The following PUDP variants were observed in gnomAD, a reference collection of about 807,000 sequenced individuals.
PUDP encodes pseudouridine-5'-phosphatase.
A neutral mutation model predicts 9.4 loss-of-function variants in PUDP; 8 were observed. The observed-to-expected ratio is 0.85, with a 90% CI of 0.50 to 1.53. PUDP has a LOEUF of 1.53. Ranked by LOEUF, PUDP falls within the 40% of genes most tolerant of loss-of-function variation. The pLI, the probability that PUDP is intolerant of heterozygous loss-of-function variation, is 0.00. For synonymous variants in PUDP, 99 were observed against 80.7 expected (o/e 1.23, Z -1.22); for missense variants, 188 against 189.7 (o/e 0.99, Z 0.05).
intron 3 of PUDP, among the ~76,000 whole-genome samples, chrX:6,806,056 C>T (rs1431385774): frequency 9.0e-6 from 1 of 110,611 alleles, no homozygotes; most frequent in African/African-American, 3.3e-5. Context: ...TGGCACTTTG[C>T]AGTACAGCAC....
Position 7,105,711 on chromosome X carries a change from G to T in PUDP, c.189C>A (p.Asp63Glu), listed in dbSNP as rs982260836. The T allele has an allele frequency of 8.3e-7, 1 of 1,208,961 alleles. No individual in the cohort carries two copies. ...KALEAAQIII[D>E]VLQLPMSKEE... ...CTTTGGACATCGGGAGCTGCAAGAC[G>T]TCTATTATAATCTGTGCCGCCTCTA... The change falls in exon 2 of 4, where the codon GAC becomes GAA. Residue 63 changes from aspartate (D) to glutamate (E), a missense_variant. By Grantham distance (45) the Asp-to-Glu change is conservative. Coordinates refer to ENST00000381077, the MANE Select transcript of PUDP (RefSeq NM_012080.5).
At chrX:6,709,341 A>G (rs1403546915) in intron 1 of PUDP, among the ~76,000 whole-genome samples, 1 of 111,545 alleles carries the variant, frequency 9.0e-6, no homozygotes, top group Non-Finnish European at 1.9e-5. Flanking sequence ...CTCTTGATAA[A>G]TCACACACTC....
At chrX:6,799,262 A>T (rs1925891908) in intron 3 of PUDP, among the ~76,000 whole-genome samples, 1 of 112,357 alleles carries the variant, frequency 8.9e-6, no homozygotes, top group Admixed American at 9.5e-5. Flanking sequence ...ATTTAGAGGA[A>T]GTGTGGACCC....
intron 1 of PUDP, among the ~76,000 whole-genome samples, chrX:7,111,646 G>A: frequency 9.0e-6 from 1 of 111,042 alleles, no homozygotes; most frequent in South Asian, 3.8e-4. Context: ...AGCAGCCTTG[G>A]GTAAAGCACC....
chrX:7,004,944 AG>A (rs1478558496), intron 1 of PUDP, among the ~76,000 whole-genome samples: 2 of 112,491 alleles, frequency 1.8e-5, no homozygotes, highest in African/African-American at 3.2e-5. Context: ...AGACAATTCC[AG>A]TATCTTCCCT....
At chrX:7,068,453 G>C (rs1272984908) in intron 3 of PUDP, among the ~76,000 whole-genome samples, 1 of 111,786 alleles carries the variant, frequency 8.9e-6, no homozygotes, top group Non-Finnish European at 1.9e-5. Context: ...TTTGGGTGTG[G>C]GGACAGGGGA....
chrX:6,894,672 T>C (rs979629496), intron 3 of PUDP, among the ~76,000 whole-genome samples: 1 of 111,079 alleles, frequency 9.0e-6, no homozygotes, highest in African/African-American at 3.3e-5. Flanking sequence ...AGTCCTCAGG[T>C]TGATAAAGGT....
At chrX:6,728,184 G>A (rs937283624) in intron 3 of PUDP, among the ~76,000 whole-genome samples, 5 of 110,839 alleles carry the variant, frequency 4.5e-5, no homozygotes, top group African/African-American at 1.6e-4. Context: ...GCTCTCATGA[G>A]ACTTATTCAC....
At chrX:7,111,015 A>G (rs959365613) in intron 1 of PUDP, among the ~76,000 whole-genome samples, 7 of 111,659 alleles carry the variant, frequency 6.3e-5, no homozygotes, top group African/African-American at 2.3e-4. Context: ...TCGAACTGTA[A>G]TCCCCAAGTG....
chrX:7,115,317 A>G (rs1569164006), intron 1 of PUDP, among the ~76,000 whole-genome samples: 1 of 112,674 alleles, frequency 8.9e-6, no homozygotes, highest in Non-Finnish European at 1.9e-5. Context: ...GGCTGGAATC[A>G]TTACATATGA....
At chrX:6,980,954 C>T (rs1915931083) in intron 1 of PUDP, among the ~76,000 whole-genome samples, 1 of 111,315 alleles carries the variant, frequency 9.0e-6, no homozygotes, top group Non-Finnish European at 1.9e-5. Flanking sequence ...AAACTGCACT[C>T]TCTCCTTTGC....
intron 1 of PUDP, among the ~76,000 whole-genome samples, chrX:6,984,122 C>T (rs1451168978): frequency 8.9e-6 from 1 of 112,107 alleles, no homozygotes; most frequent in Non-Finnish European, 1.9e-5. Flanking sequence ...CTTTCACTGT[C>T]GTAATTTTCT....
intron 3 of PUDP, among the ~76,000 whole-genome samples, chrX:6,799,540 C>T (rs1925896732): frequency 8.9e-6 from 1 of 111,793 alleles, no homozygotes; most frequent in Non-Finnish European, 1.9e-5. Flanking sequence ...CAGAGCAAGA[C>T]TATTTATTTT....
At chrX:6,786,442 C>CAAGAAGAA (rs1354385271) in intron 3 of PUDP, among the ~76,000 whole-genome samples, 1 of 111,887 alleles carries the variant, frequency 8.9e-6, no homozygotes, top group Non-Finnish European at 1.9e-5. Context: ...AAAAATAAAA[C>CAAGAAGAA]AAGAAGAAAA....
At chrX:6,711,112 A>G (rs1282750377) in intron 1 of PUDP, among the ~76,000 whole-genome samples, 2 of 112,013 alleles carry the variant, frequency 1.8e-5, no homozygotes, top group African/African-American at 6.5e-5. Flanking sequence ...CACTGACAAG[A>G]GGCAGATTAA....
chrX:6,826,471 G>A (rs182405806), intron 3 of PUDP, among the ~76,000 whole-genome samples: 19 of 111,796 alleles, frequency 1.7e-4, no homozygotes, highest in African/African-American at 5.8e-4. Context: ...AGGAGGTACA[G>A]GGAATGCTCT....
At chrX:7,047,620 T>C (rs895354096), downstream of PUDP, among the ~76,000 whole-genome samples, 14 of 112,269 alleles carry the variant, frequency 1.2e-4, no homozygotes, top group African/African-American at 4.5e-4. Flanking sequence ...CAGAGAATAC[T>C]ACAGACTTTG....
chrX:6,876,156 T>A (rs1196393294), intron 3 of PUDP, among the ~76,000 whole-genome samples: 2 of 111,888 alleles, frequency 1.8e-5, no homozygotes, highest in African/African-American at 6.5e-5. Flanking sequence ...ATACAACCAT[T>A]CTGTTTTTCA....
chrX:7,143,998 T>A (rs1351932067), intron 1 of PUDP, among the ~76,000 whole-genome samples: 1 of 111,370 alleles, frequency 9.0e-6, no homozygotes, highest in African/African-American at 3.3e-5. Context: ...ACCACCAGAG[T>A]TGCTTTGACA....
Sources: gnomAD v4.1 joint callset for allele counts (sites outside exome capture counted in the v4.1 genomes callset) on GRCh38, gnomAD v4.1.1 for gene constraint, MANE v1.5 for transcripts, NCBI Gene and HGNC (gene_info 2026-07-23, HGNC 2026-07-21) for gene names.